The following ANK3 variants were observed in gnomAD, a reference collection of about 807,000 sequenced individuals.
ANK3 encodes the protein ankyrin 3.
Under a neutral mutation model 370.9 loss-of-function variants are expected in ANK3, and 57 were observed. The observed-to-expected ratio is 0.15, with a 90% CI of 0.12 to 0.19. ANK3 has a LOEUF of 0.19. ANK3 is among the 10% of genes least tolerant of loss of function. ANK3 has a pLI of 1.00. For missense variants in ANK3, 4,439 were observed against 5,302.1 expected (o/e 0.84, Z 5.06); for synonymous variants, 1,929 against 1,946.3 (o/e 0.99, Z 0.23).
intron 21 of ANK3, among the ~76,000 whole-genome samples, chr10:60,171,221 T>C (rs2095784480): frequency 6.6e-6 from 1 of 152,214 alleles, no homozygotes; most frequent in Non-Finnish European, 1.5e-5. Context: ...TGGGTGCTGC[T>C]TGACAATCAT....
intron 1 of ANK3, among the ~76,000 whole-genome samples, chr10:60,645,660 G>C (rs2078701139): frequency 6.6e-6 from 1 of 152,086 alleles, no homozygotes; most frequent in Non-Finnish European, 1.5e-5. Context: ...AGGAGGTGGA[G>C]TTTGCAGTGA....
chr10:60,336,404 A>T (rs539698971), intron 1 of ANK3, among the ~76,000 whole-genome samples: 2 of 152,316 alleles, frequency 1.3e-5, no homozygotes, highest in African/African-American at 4.8e-5. Flanking sequence ...AGCTCACAAT[A>T]CAGAATGTAA....
intron 1 of ANK3, among the ~76,000 whole-genome samples, chr10:60,663,187 A>G (rs912246336): frequency 6.6e-6 from 1 of 152,204 alleles, no homozygotes; most frequent in Non-Finnish European, 1.5e-5. Flanking sequence ...CGTATTGTAC[A>G]TTCTTGGCCA....
At chr10:60,242,119 C>T (rs542379223) in intron 7 of ANK3, among the ~76,000 whole-genome samples, 15 of 152,212 alleles carry the variant, frequency 9.9e-5, no homozygotes, top group Admixed American at 2.0e-4. Context: ...CCTTCCACCT[C>T]GATTTTCAGA....
chr10:60,079,716 G>A (rs537546037), intron 36 of ANK3, among the ~76,000 whole-genome samples: 1 of 152,278 alleles, frequency 6.6e-6, no homozygotes, highest in South Asian at 2.1e-4. Context: ...ACAATGCTGA[G>A]CTCAATACCC....
In ANK3 at chr10:60,108,782, C is replaced by A. The variant is rs770610036; in HGVS notation, c.3173+48G>T. The A allele has an allele frequency of 1.3e-5, 20 of 1,516,782 alleles. No individual in the cohort carries two copies. The Middle Eastern group carries it at 2.2e-3, about 170-fold the overall frequency. The allele number at this position is 1,516,782 out of a possible 1,614,324, so 94.0% of individuals were successfully genotyped here. A position where few individuals can be genotyped will look rare whatever the true frequency, so the allele number is the denominator to read the frequency against. ...TTGAGTTAACAAGGGTAAAGAAAAT[C>A]AAAGATGCATTGTGAGGGCCAAGGT... On this transcript the variant is annotated intron_variant, in intron 27 of 43. Transcript: ENST00000280772.
At chr10:60,545,521 T>C (rs1385802537) in intron 2 of ANK3, among the ~76,000 whole-genome samples, 1 of 151,990 alleles carries the variant, frequency 6.6e-6, no homozygotes, top group Non-Finnish European at 1.5e-5. Context: ...ACCTTGGTTA[T>C]AAAACTTGAA....
chr10:60,685,682 G>A (rs771941445), intron 1 of ANK3, among the ~76,000 whole-genome samples: 5 of 152,156 alleles, frequency 3.3e-5, no homozygotes, highest in Non-Finnish European at 7.4e-5. Context: ...TGGAAAACAA[G>A]GACCTAGAAT....
intron 2 of ANK3, among the ~76,000 whole-genome samples, chr10:60,399,791 G>T (rs2063317996): frequency 6.6e-6 from 1 of 152,136 alleles, no homozygotes; most frequent in East Asian, 1.9e-4. Flanking sequence ...TTAAATTGTG[G>T]TCTTTTCTGC....
chr10:60,119,783 A>C (rs10761456), intron 25 of ANK3, among the ~76,000 whole-genome samples: 106,223 of 151,886 alleles, frequency 0.7, 37,965 homozygotes, highest in East Asian at 0.94. Context: ...AAAAAATAAT[A>C]AATAAATAAA....
chr10:60,157,868 CAGAGAGAGAGAGAGAAAAAGAGAGAG>C (rs1273258325), intron 23 of ANK3, among the ~76,000 whole-genome samples: 1 of 118,388 alleles, frequency 8.4e-6, no homozygotes, highest in Non-Finnish European at 1.8e-5. Flanking sequence ...AATGGAGAGA[CAGAGAGAGAGAGAGAAAAAGAGAGAG>C]AGAGAGAGAG....
intron 2 of ANK3, among the ~76,000 whole-genome samples, chr10:60,549,430 A>G (rs564185972): frequency 7.9e-5 from 12 of 152,158 alleles, no homozygotes; most frequent in Non-Finnish European, 1.2e-4. Context: ...AAATACTATA[A>G]CACAACATTT....
chr10:60,064,116 T>G (rs2081166832), intron 39 of ANK3, 41 bp downstream of exon 39: 1 of 1,514,520 alleles, frequency 6.6e-7, no homozygotes, highest in Admixed American at 2.5e-5. Context: ...ATATTACATT[T>G]ATGCAGTTTT....
chr10:60,270,712 G>T (rs1409480537), intron 4 of ANK3, among the ~76,000 whole-genome samples: 1 of 152,132 alleles, frequency 6.6e-6, no homozygotes, highest in African/African-American at 2.4e-5. Flanking sequence ...CTAGTTCAGG[G>T]AGGAATTTAT....
intron 2 of ANK3, among the ~76,000 whole-genome samples, chr10:60,512,973 A>T (rs1207945102): frequency 1.3e-5 from 2 of 152,148 alleles, no homozygotes; most frequent in African/African-American, 4.8e-5. Context: ...AAAAACTTGC[A>T]CTTAGGAACT....
At chr10:60,635,507 C>G (rs1008833960) in intron 1 of ANK3, among the ~76,000 whole-genome samples, 1 of 152,096 alleles carries the variant, frequency 6.6e-6, no homozygotes, top group Admixed American at 6.6e-5. Context: ...TTTCTGAACA[C>G]CTTATCAGTT....
chr10:60,689,434 A>G (rs1006508031), intron 1 of ANK3, among the ~76,000 whole-genome samples: 13 of 152,102 alleles, frequency 8.5e-5, no homozygotes, highest in Non-Finnish European at 1.5e-4. Flanking sequence ...TATTTATCAA[A>G]TGAAATCACT....
At chr10:60,046,843 G>T (rs1446129395) in intron 42 of ANK3, among the ~76,000 whole-genome samples, 2 of 134,226 alleles carry the variant, frequency 1.5e-5, no homozygotes, top group African/African-American at 2.9e-5. Flanking sequence ...GTCTCGCTCT[G>T]TTGCCCCAGC....
chr10:60,103,212 A>T (rs533203396), intron 28 of ANK3, among the ~76,000 whole-genome samples: 38 of 152,210 alleles, frequency 2.5e-4, no homozygotes, highest in African/African-American at 8.9e-4. Flanking sequence ...GGCCTCCCAA[A>T]GTGCTGGGAT....
Sources: allele counts gnomAD v4.1 joint callset (sites outside exome capture counted in the v4.1 genomes callset), GRCh38; gene constraint gnomAD v4.1.1; transcripts MANE v1.5; gene names NCBI Gene and HGNC (gene_info 2026-07-23, HGNC 2026-07-21).